GPC3: variants seen among roughly 807,000 people sequenced by gnomAD.
GPC3 encodes glypican-3.
A neutral mutation model predicts 34.4 loss-of-function variants in GPC3; 3 were observed. The observed-to-expected ratio is 0.09, with a 90% CI of 0.04 to 0.23. The LOEUF (loss-of-function observed/expected upper bound fraction) is 0.23, where lower values mean the gene tolerates loss of function less well. Ranked by LOEUF, GPC3 falls within the 10% of genes least tolerant of loss-of-function variation. The pLI, the probability that GPC3 is intolerant of heterozygous loss-of-function variation, is 1.00. For synonymous variants in GPC3, 177 were observed against 174.0 expected (o/e 1.02, Z -0.13); for missense variants, 351 against 445.6 (o/e 0.79, Z 1.91).
At chrX:133,678,917 C>G (rs1569412336) in intron 5 of GPC3, among the ~76,000 whole-genome samples, 2 of 112,268 alleles carry the variant, frequency 1.8e-5, no homozygotes, top group Non-Finnish European at 3.8e-5. Flanking sequence ...TTCTCTGACA[C>G]AGGCTGTCTT....
chrX:133,679,587 T>C (rs1482142960), intron 5 of GPC3, among the ~76,000 whole-genome samples: 1 of 111,571 alleles, frequency 9.0e-6, no homozygotes, highest in African/African-American at 3.3e-5. Flanking sequence ...GTTTACTCTA[T>C]GGCAGGCACA....
chrX:133,926,729 A>G (rs2076276039), intron 2 of GPC3, among the ~76,000 whole-genome samples: 1 of 112,005 alleles, frequency 8.9e-6, no homozygotes, highest in South Asian at 3.7e-4. Flanking sequence ...GCTGGCTGAC[A>G]GTAACAGAAA....
chrX:133,852,834 T>C (rs766925848), intron 2 of GPC3, among the ~76,000 whole-genome samples: 2 of 110,468 alleles, frequency 1.8e-5, no homozygotes, highest in African/African-American at 6.6e-5. Context: ...CTATAACTTC[T>C]ACTTGACCCT....
intron 6 of GPC3, among the ~76,000 whole-genome samples, chrX:133,642,648 TG>T (rs1169538442): frequency 1.8e-5 from 2 of 108,923 alleles, no homozygotes; most frequent in East Asian, 5.8e-4. Flanking sequence ...GGCGCATGCC[TG>T]TAATCCCAGC....
intron 2 of GPC3, among the ~76,000 whole-genome samples, chrX:133,925,959 T>TA (rs2076273061): frequency 9.0e-6 from 1 of 111,060 alleles, no homozygotes; most frequent in Non-Finnish European, 1.9e-5. Context: ...AACCAAAAAT[T>TA]AAACGGCTGC....
chrX:133,765,772 C>T (rs745809673), intron 2 of GPC3, among the ~76,000 whole-genome samples: 9 of 111,892 alleles, frequency 8.0e-5, no homozygotes, highest in Non-Finnish European at 1.1e-4. Context: ...AAGTGCTTTA[C>T]AGCCAAATCT....
intron 2 of GPC3, among the ~76,000 whole-genome samples, chrX:133,933,555 G>T (rs775993572): frequency 8.6e-4 from 96 of 111,143 alleles, no homozygotes; most frequent in Non-Finnish European, 1.6e-3. Flanking sequence ...ATGTTGAATT[G>T]TAATCCCCAA....
chrX:133,733,405 A>G (rs2071480711), intron 3 of GPC3, among the ~76,000 whole-genome samples: 1 of 111,289 alleles, frequency 9.0e-6, no homozygotes, highest in African/African-American at 3.3e-5. Context: ...TATTTCATCC[A>G]TGTAACAAAA....
chrX:133,905,447 G>A (rs770746768), intron 2 of GPC3, among the ~76,000 whole-genome samples: 1 of 112,179 alleles, frequency 8.9e-6, no homozygotes, highest in Non-Finnish European at 1.9e-5. Context: ...AGTTAACTGT[G>A]GTGGAGGTGT....
chrX:133,568,583 C>T (rs2069600679), intron 7 of GPC3, among the ~76,000 whole-genome samples: 1 of 111,691 alleles, frequency 9.0e-6, no homozygotes, highest in African/African-American at 3.3e-5. Context: ...TACAGTGTCT[C>T]AACAAGGTAC....
At chrX:133,960,429 T>C (rs970900596) in intron 1 of GPC3, among the ~76,000 whole-genome samples, 21 of 111,890 alleles carry the variant, frequency 1.9e-4, no homozygotes, top group African/African-American at 6.8e-4. Flanking sequence ...ATTACCTTTA[T>C]CATGTTCTAT....
At chrX:133,702,647 G>A (rs1200453108) in intron 3 of GPC3, among the ~76,000 whole-genome samples, 1 of 111,439 alleles carries the variant, frequency 9.0e-6, no homozygotes, top group Non-Finnish European at 1.9e-5. Flanking sequence ...GCAAAAGTAG[G>A]AAGGTTAAGA....
chrX:133,763,053 C>T (rs1470323724), intron 2 of GPC3: 9 of 672,084 alleles, frequency 1.3e-5, no homozygotes, highest in Admixed American at 2.2e-5. Context: ...GCCAGAGGGC[C>T]GTGCTAAAGT....
rs779472030 is a variant in GPC3 at position 133,652,584 on chromosome X, T to C, written c.1413+9146A>G. 2.7e-5 allele frequency among the ~76,000 whole-genome samples: 3 copies of C among 111,820 alleles called. No individual in the cohort carries two copies. The East Asian group carries it at 8.4e-4, about 31-fold the overall frequency. ...ACATAAAATCACTGTGCTCACTATCTAAGGAAAGCACATAGTTAGGAGTAA... is the reference window on the plus strand; with the variant it reads ...ACATAAAATCACTGTGCTCACTATCCAAGGAAAGCACATAGTTAGGAGTAA... On this transcript the variant is annotated intron_variant, in intron 6 of 7. Coordinates refer to ENST00000370818, the MANE Select transcript of GPC3 (RefSeq NM_004484.4).
chrX:133,799,910 G>A (rs1239811506), intron 2 of GPC3, among the ~76,000 whole-genome samples: 1 of 111,949 alleles, frequency 8.9e-6, no homozygotes, highest in Non-Finnish European at 1.9e-5. Flanking sequence ...TGTCTAGAAG[G>A]ATAAGCTCTA....
At chrX:133,757,426 C>G (rs751996661) in intron 2 of GPC3, among the ~76,000 whole-genome samples, 1 of 111,333 alleles carries the variant, frequency 9.0e-6, no homozygotes, top group Non-Finnish European at 1.9e-5. Context: ...TTAAATGGTT[C>G]AATAACTTCT....
chrX:133,545,864 G>T (rs1432150783), intron 7 of GPC3, among the ~76,000 whole-genome samples: 1 of 110,361 alleles, frequency 9.1e-6, no homozygotes, highest in African/African-American at 3.3e-5. Flanking sequence ...ATCAACAGAT[G>T]AATGGAGACA....
At chrX:133,549,718 T>A (rs1441978473) in intron 7 of GPC3, among the ~76,000 whole-genome samples, 2 of 87,968 alleles carry the variant, frequency 2.3e-5, no homozygotes, top group African/African-American at 8.6e-5. Flanking sequence ...CTCCTGTCTC[T>A]CCTTCCCTCT....
At chrX:133,603,964 G>A (rs192494797) in intron 6 of GPC3, among the ~76,000 whole-genome samples, 14 of 111,404 alleles carry the variant, frequency 1.3e-4, no homozygotes, top group Admixed American at 1.1e-3. Flanking sequence ...GTCTTGATCT[G>A]TCTATATGGT....
Sources: allele counts gnomAD v4.1 joint callset (sites outside exome capture counted in the v4.1 genomes callset), GRCh38; gene constraint gnomAD v4.1.1; transcripts MANE v1.5; gene names NCBI Gene and HGNC (gene_info 2026-07-23, HGNC 2026-07-21).